SRGAP2C: variants seen among roughly 807,000 people sequenced by gnomAD.
SRGAP2C encodes the protein SLIT-ROBO Rho GTPase-activating protein 2C.
Under a neutral mutation model 25.1 loss-of-function variants are expected in SRGAP2C, and 15 were observed. That is an observed-to-expected ratio of 0.60 (90% CI 0.40 to 0.92). The LOEUF (loss-of-function observed/expected upper bound fraction) is 0.92. Ranked by LOEUF, SRGAP2C falls within the 40% of genes least tolerant of loss-of-function variation. SRGAP2C has a pLI of 0.00. For synonymous variants in SRGAP2C, 44 were observed against 96.6 expected, an observed-to-expected ratio of 0.46 and a Z score of 3.19; for missense variants, 144 against 264.4, an observed-to-expected ratio of 0.54 and a Z score of 3.16.
At chr1:121,372,042 A>G (rs1659504877) in intron 5 of SRGAP2C, among the ~76,000 whole-genome samples, 1 of 152,202 alleles carries the variant, frequency 6.6e-6, no homozygotes, top group African/African-American at 2.4e-5. Flanking sequence ...TTAGTTGTTA[A>G]GTATTTTTTC....
rs1660052225 is a variant in SRGAP2C at position 121,390,779 on chromosome 1, G to A, written c.*2924G>A. ...AAATAGGCCAGATATGGCGGCTCAT[G>A]CCTGTAATCCCAGCGCTGTGGGAGC... On this transcript the variant is annotated 3_prime_UTR_variant, in exon 10 of 10. Coordinates refer to ENST00000367123, the MANE Select transcript of SRGAP2C (RefSeq NM_001329984.2). The A allele has an allele frequency of 6.6e-6, 1 of 151,580 alleles. No individual in the cohort carries two copies. Among genetic ancestry groups the A allele is most frequent in the African/African-American group, 2.4e-5 (1 of 41,260 alleles). 9.4% of individuals were successfully genotyped at this position (151,580 alleles called of 1,614,324 possible).
chr1:121,303,714 ATCTG>A (rs1161816117), intron 3 of SRGAP2C, among the ~76,000 whole-genome samples: 9 of 150,670 alleles, frequency 6.0e-5, no homozygotes, highest in African/African-American at 2.2e-4. Flanking sequence ...CTATTTCTTT[ATCTG>A]TCTGTATATT....
At chr1:121,192,525 AGTGTACT>A (rs1654716557) in intron 2 of SRGAP2C, among the ~76,000 whole-genome samples, 1 of 149,408 alleles carries the variant, frequency 6.7e-6, no homozygotes, top group South Asian at 2.2e-4. Context: ...CAGGGGATGC[AGTGTACT>A]GTGCAAAGAA....
Position 121,308,154 on chromosome 1 carries a change from G to A in SRGAP2C, c.261-16324G>A, listed in dbSNP as rs1657886336. On this transcript the variant is annotated intron_variant, in intron 3 of 9. Transcript: ENST00000367123. ...GCCCTTTGAGATGCTAAGGGCTTTT[G>A]AATGAAATGTAATAACCACCACAAT... Among the ~76,000 whole-genome samples, 5 of 118,292 alleles carry A rather than the reference G, an allele frequency of 4.2e-5. 1 individual carries two copies. The highest frequency in any genetic ancestry group is 9.1e-5 in the Non-Finnish European group (5 of 54,776). 77.6% of individuals were successfully genotyped at this position (118,292 alleles called of 152,430 possible).
chr1:121,329,024 C>T (rs1658378813), intron 4 of SRGAP2C, among the ~76,000 whole-genome samples: 1 of 135,904 alleles, frequency 7.4e-6, no homozygotes, highest in Admixed American at 7.5e-5. Flanking sequence ...CCAGCTTGGC[C>T]AACATGGTGA....
chr1:121,340,182 C>A (rs1392643558), intron 4 of SRGAP2C, among the ~76,000 whole-genome samples: 1 of 152,114 alleles, frequency 6.6e-6, no homozygotes, highest in African/African-American at 2.4e-5. Context: ...AGCCTTCTGA[C>A]CACATAAGCA....
chr1:121,270,807 T>G lies in SRGAP2C; in HGVS notation c.68-13996T>G, dbSNP rs1221204914. 8.8e-5 allele frequency among the ~76,000 whole-genome samples: 13 copies of G among 148,388 alleles called. 2 individuals carry two copies. The highest frequency in any genetic ancestry group is 8.7e-4 in the Admixed American group (13 of 15,014). ...AGAGATAAGGAGGTTTTTTTTTTTT[T>G]TTTGAGACGGAGTCTCGCTCTGTCG... On this transcript the variant is annotated intron_variant, in intron 2 of 9. Transcript: ENST00000367123.
At position 121,258,487 on chromosome 1, in the gene SRGAP2C, C is replaced by T. The variant is rs1338717323; in HGVS notation, c.68-26316C>T. Among the ~76,000 whole-genome samples the T allele has an allele frequency of 3.2e-4, 46 of 142,830 alleles. No individual in the cohort carries two copies. In the South Asian group the frequency reaches 7.4e-3, roughly 23 times the overall value. 93.7% of individuals were successfully genotyped at this position (142,830 alleles called of 152,430 possible). ...ACTCTTTTTTTTTTTTTTTTTGAGA[C>T]GGAGTTTTGCTCCTGTTGCCCAGGC... On this transcript the variant is annotated intron_variant, in intron 2 of 9. Coordinates refer to ENST00000367123, the MANE Select transcript of SRGAP2C (RefSeq NM_001329984.2).
At chr1:121,356,965 C>T (rs1322418470) in intron 4 of SRGAP2C, among the ~76,000 whole-genome samples, 4 of 151,880 alleles carry the variant, frequency 2.6e-5, no homozygotes, top group Non-Finnish European at 5.9e-5. Flanking sequence ...GGCCATTAGC[C>T]TCTTCCTGAC....
At chr1:121,324,416 T>C (rs1397900778) in intron 3 of SRGAP2C, 62 bp from the exon 4 acceptor site, 11 of 1,449,730 alleles carry the variant, frequency 7.6e-6, no homozygotes, top group Non-Finnish European at 8.7e-6. Flanking sequence ...CGGACTATAG[T>C]TGTAGATGTT....
At chr1:121,363,010 G>GCTAA (rs1659238125) in intron 4 of SRGAP2C, 1 of 142,290 alleles carries the variant, frequency 7.0e-6, no homozygotes, top group African/African-American at 2.7e-5. Context: ...CTAAAGGGAG[G>GCTAA]GATGTTTGAA....
chr1:121,298,591 G>T (rs1407426460), intron 3 of SRGAP2C, among the ~76,000 whole-genome samples: 32 of 38,890 alleles, frequency 8.2e-4, no homozygotes, highest in African/African-American at 3.3e-3. Flanking sequence ...GGAATGATAA[G>T]AGGGCAGGTT....
intron 3 of SRGAP2C, among the ~76,000 whole-genome samples, chr1:121,309,479 T>C (rs1222142549): frequency 6.9e-6 from 1 of 145,094 alleles, no homozygotes; most frequent in Non-Finnish European, 1.5e-5. Flanking sequence ...TTGTGCAGGT[T>C]AGTTACATAT....
intron 3 of SRGAP2C, among the ~76,000 whole-genome samples, chr1:121,295,172 G>A (rs1445693052): frequency 3.4e-5 from 4 of 117,042 alleles, no homozygotes; most frequent in Non-Finnish European, 7.3e-5. Flanking sequence ...TTGAGGTACA[G>A]TGAGTAGACT....
intron 3 of SRGAP2C, among the ~76,000 whole-genome samples, chr1:121,293,512 G>GT (rs1570766137): frequency 1.3e-5 from 2 of 150,362 alleles, no homozygotes; most frequent in East Asian, 4.0e-4. Flanking sequence ...AATGTGGGCT[G>GT]AAACTGAGGT....
chr1:121,350,542 T>C (rs587687608), intron 4 of SRGAP2C, among the ~76,000 whole-genome samples: 2 of 152,018 alleles, frequency 1.3e-5, no homozygotes, highest in African/African-American at 2.4e-5. Context: ...ATGTTTAATA[T>C]GTTTATGAGA....
chr1:121,335,628 AT>A (rs1430726628), intron 4 of SRGAP2C, among the ~76,000 whole-genome samples: 4 of 149,928 alleles, frequency 2.7e-5, no homozygotes, highest in Non-Finnish European at 5.9e-5. Flanking sequence ...TGCTTGGCTA[AT>A]TTTTTTAGAG....
At chr1:121,345,649 CTTTTTTTTTTT>C in intron 4 of SRGAP2C, among the ~76,000 whole-genome samples, 1 of 95,776 alleles carries the variant, frequency 1.0e-5, no homozygotes, top group East Asian at 3.5e-4. Flanking sequence ...GGTTGCTCTT[CTTTTTTTTTTT>C]TTTTTTTTTG....
chr1:121,355,133 G>A (rs1382620741), intron 4 of SRGAP2C, among the ~76,000 whole-genome samples: 2 of 132,060 alleles, frequency 1.5e-5, no homozygotes, highest in African/African-American at 5.6e-5. Flanking sequence ...AATCAAATGG[G>A]ACAGAATTAA....
Sources: allele counts gnomAD v4.1 joint callset (sites outside exome capture counted in the v4.1 genomes callset), GRCh38; gene constraint gnomAD v4.1.1; transcripts MANE v1.5; gene names NCBI Gene and HGNC (gene_info 2026-07-23, HGNC 2026-07-21).